Variants in CTNND2 observed in about 807,000 individuals in gnomAD.
CTNND2 encodes the protein catenin delta 2.
Under a neutral mutation model 144.4 loss-of-function variants are expected in CTNND2, and 22 were observed. The observed-to-expected ratio is 0.15, with a 90% confidence interval of 0.11 to 0.22. The LOEUF (loss-of-function observed/expected upper bound fraction) is 0.22, where lower values mean the gene tolerates loss of function less well. Among genes scored for constraint, CTNND2 ranks in the 10% least tolerant of loss-of-function variants. CTNND2 has a pLI of 1.00. For synonymous variants in CTNND2, 751 were observed against 695.6 expected, an observed-to-expected ratio of 1.08 and a Z score of -1.25; for missense variants, 1,353 against 1,618.8, an observed-to-expected ratio of 0.84 and a Z score of 2.82.
intron 3 of CTNND2, among the ~76,000 whole-genome samples, chr5:11,541,191 A>C (rs1431283130): frequency 6.6e-6 from 1 of 152,184 alleles, no homozygotes; most frequent in Non-Finnish European, 1.5e-5. Flanking sequence ...CTCTCCCCAC[A>C]GACCAATCAA....
chr5:11,780,347 T>C (rs575584855), intron 1 of CTNND2, among the ~76,000 whole-genome samples: 1 of 152,202 alleles, frequency 6.6e-6, no homozygotes, highest in South Asian at 2.1e-4. Context: ...CCACAGCCAA[T>C]TTGAGTAGGA....
At chr5:11,471,451 A>G (rs970975088) in intron 3 of CTNND2, among the ~76,000 whole-genome samples, 1 of 152,224 alleles carries the variant, frequency 6.6e-6, no homozygotes, top group Non-Finnish European at 1.5e-5. Context: ...AGGACTGATT[A>G]TACTCAGAAT....
rs1247553403 is a variant in CTNND2 at position 11,159,703 on chromosome 5, C to T, written c.2032G>A (p.Ala678Thr). 6.2e-7 allele frequency: 1 copy of T among 1,611,174 alleles called. No individual in the cohort carries two copies. The stretch of plus-strand genomic sequence containing the variant: ...ACCGCGTTGGTCAGTACTGCTAGGG[C>T]ATCCTGGATGATTGGCATTTTGAGT... ...DALKMPIIQD[A>T]LAVLTNAVII... is the part of the protein sequence containing the mutation. The change falls in exon 12 of 22, where the codon GCC becomes ACC. Residue 678 changes from alanine (A) to threonine (T), a missense_variant. By Grantham distance (58) the Ala-to-Thr change is moderately conservative. Around this residue, in one of 4 missense-constraint regions of CTNND2, gnomAD observed 117 missense variants for 117.8 expected, o/e 0.99. Coordinates refer to ENST00000304623, the MANE Select transcript of CTNND2 (RefSeq NM_001332.4).
intron 16 of CTNND2, among the ~76,000 whole-genome samples, chr5:11,027,743 T>C (rs948160532): frequency 1.3e-5 from 2 of 152,164 alleles, no homozygotes; most frequent in African/African-American, 4.8e-5. Context: ...CTCGAACTCT[T>C]CTGTTAAGCA....
intron 13 of CTNND2, among the ~76,000 whole-genome samples, chr5:11,112,296 A>G (rs1753076775): frequency 6.6e-6 from 1 of 152,186 alleles, no homozygotes. Flanking sequence ...AGGGGCCTGT[A>G]CGTCAAAGAG....
At chr5:11,707,206 A>C (rs918840218) in intron 2 of CTNND2, among the ~76,000 whole-genome samples, 2 of 152,100 alleles carry the variant, frequency 1.3e-5, no homozygotes, top group Non-Finnish European at 2.9e-5. Flanking sequence ...ATCAGTAATT[A>C]GTTTTTTTTG....
At chr5:10,981,917 AGCAAGTTCT>A in intron 20 of CTNND2, 71 bp from the exon 21 acceptor site, 1 of 1,347,392 alleles carries the variant, frequency 7.4e-7, no homozygotes, top group Non-Finnish European at 1.1e-6. Context: ...TTGTTATTGA[AGCAAGTTCT>A]TGCCCTAACA....
chr5:11,199,025 T>C (rs1432452205), intron 11 of CTNND2, among the ~76,000 whole-genome samples: 1 of 152,234 alleles, frequency 6.6e-6, no homozygotes, highest in Admixed American at 6.5e-5. Context: ...AATATTTCAT[T>C]TAAAAAATTA....
intron 5 of CTNND2, among the ~76,000 whole-genome samples, chr5:11,409,595 T>C (rs1469929504): frequency 1.3e-5 from 2 of 152,084 alleles, no homozygotes; most frequent in Admixed American, 6.6e-5. Flanking sequence ...CACATGTTCA[T>C]TAGATTTGAG....
chr5:11,454,774 G>A (rs1219911417), intron 3 of CTNND2, among the ~76,000 whole-genome samples: 1 of 151,520 alleles, frequency 6.6e-6, no homozygotes, highest in Non-Finnish European at 1.5e-5. Context: ...CTAATTTTTT[G>A]TATTTTAGTA....
chr5:11,866,920 A>C (rs1795794904), intron 1 of CTNND2, among the ~76,000 whole-genome samples: 1 of 152,234 alleles, frequency 6.6e-6, no homozygotes, highest in South Asian at 2.1e-4. Context: ...ACACCTTATC[A>C]CGAGCAGTAG....
intron 2 of CTNND2, among the ~76,000 whole-genome samples, chr5:11,592,266 T>C (rs1034997619): frequency 6.7e-6 from 1 of 150,348 alleles, no homozygotes; most frequent in African/African-American, 2.5e-5. Flanking sequence ...CTTCCTGCCT[T>C]CCTGTCTTCC....
chr5:11,425,534 G>A (rs970680492), intron 3 of CTNND2, among the ~76,000 whole-genome samples: 15 of 152,186 alleles, frequency 9.9e-5, no homozygotes, highest in Admixed American at 8.5e-4. Flanking sequence ...AAAGAATGAG[G>A]ATTTGAATGA....
chr5:11,541,706 A>T (rs1774748032), intron 3 of CTNND2, among the ~76,000 whole-genome samples: 1 of 152,074 alleles, frequency 6.6e-6, no homozygotes, highest in Non-Finnish European at 1.5e-5. Flanking sequence ...TGACTGTTTT[A>T]TTTGCCCACA....
chr5:11,902,429 G>A (rs1737986524), intron 1 of CTNND2, among the ~76,000 whole-genome samples: 1 of 152,242 alleles, frequency 6.6e-6, no homozygotes, highest in Non-Finnish European at 1.5e-5. Flanking sequence ...TTTTAGAAGT[G>A]GTGCAGCCCC....
At chr5:11,096,615 A>G (rs10513071) in intron 15 of CTNND2, among the ~76,000 whole-genome samples, 7 of 152,124 alleles carry the variant, frequency 4.6e-5, no homozygotes, top group African/African-American at 1.7e-4. Flanking sequence ...AACATATGGA[A>G]TATAGAGTTG....
At chr5:11,771,487 TAAA>T (rs1210414581) in intron 1 of CTNND2, among the ~76,000 whole-genome samples, 1 of 152,104 alleles carries the variant, frequency 6.6e-6, no homozygotes, top group African/African-American at 2.4e-5. Context: ...TTAAAATACT[TAAA>T]AACACTACCA....
chr5:11,344,370 C>T (rs1461082374), intron 9 of CTNND2, among the ~76,000 whole-genome samples: 4 of 149,274 alleles, frequency 2.7e-5, no homozygotes, highest in South Asian at 2.1e-4. Flanking sequence ...CCAGCCTGGG[C>T]GACAAAACGA....
At chr5:11,351,091 G>A (rs1755288229) in intron 8 of CTNND2, among the ~76,000 whole-genome samples, 2 of 152,122 alleles carry the variant, frequency 1.3e-5, no homozygotes, top group Non-Finnish European at 2.9e-5. Flanking sequence ...CATTAGTATG[G>A]ATAAATTAAT....
Sources: allele counts gnomAD v4.1 joint callset (sites outside exome capture counted in the v4.1 genomes callset), GRCh38; gene constraint gnomAD v4.1.1; regional missense constraint gnomAD v4.1.1; transcripts MANE v1.5; gene names NCBI Gene and HGNC (gene_info 2026-07-23, HGNC 2026-07-21).